Variants in MTMR12 observed in about 807,000 individuals in gnomAD.
MTMR12 encodes the protein myotubularin-related protein 12.
A neutral mutation model predicts 96.7 loss-of-function variants in MTMR12; 33 were observed. The observed-to-expected ratio is 0.34, with a 90% CI of 0.26 to 0.46. The LOEUF (loss-of-function observed/expected upper bound fraction) is 0.46. Among genes scored for constraint, MTMR12 ranks in the 20% least tolerant of loss-of-function variants. The pLI is 1.00. For missense variants in MTMR12, 721 were observed against 896.1 expected, an observed-to-expected ratio of 0.80 and a Z score of 2.49; for synonymous variants, 298 against 327.2, an observed-to-expected ratio of 0.91 and a Z score of 0.96.
chr5:32,253,131 G>A (rs989805422), intron 8 of MTMR12, among the ~76,000 whole-genome samples: 2 of 152,196 alleles, frequency 1.3e-5, no homozygotes, highest in African/African-American at 2.4e-5. Context: ...CACAACTCAC[G>A]GGATAGGGGT....
intron 1 of MTMR12, chr5:32,296,471 C>T: frequency 2.7e-6 from 1 of 371,722 alleles, no homozygotes. Flanking sequence ...AGAGCAAGAC[C>T]TTGTCTCCAA....
chr5:32,272,292 A>AAAAT lies in MTMR12; in HGVS notation c.286-391_286-388dup, dbSNP rs577379477. Among the ~76,000 whole-genome samples, 620 of 152,104 alleles carry AAAAT rather than the reference A, an allele frequency of 4.1e-3. 5 individuals carry two copies. The highest frequency in any genetic ancestry group is 0.013 in the African/African-American group (558 of 41,474). ...GGTGACAGAACGAGACTCTGTCTCA[A>AAAAT]AAATAAATAAATAAATAAATAAAAA... On this transcript the variant is annotated intron_variant, in intron 3 of 15. Transcript: ENST00000382142.
At chr5:32,242,673 C>A (rs571455703) in intron 11 of MTMR12, among the ~76,000 whole-genome samples, 4 of 151,768 alleles carry the variant, frequency 2.6e-5, no homozygotes, top group Admixed American at 6.6e-5. Context: ...TCTCCTACCC[C>A]CCAGCCACCT....
rs182698987 is a variant in MTMR12, at chr5:32,233,984, G to C, written c.1513-50C>G. 6.2e-7 allele frequency: 1 copy of C among 1,607,460 alleles called. No homozygotes were observed. The highest frequency in any genetic ancestry group is 1.3e-5 in the African/African-American group (1 of 74,846). On this transcript the variant is annotated intron_variant, in intron 14 of 15. Coordinates refer to ENST00000382142, the MANE Select transcript of MTMR12 (RefSeq NM_001040446.3). The surrounding 1 kb of genome is among the most constrained non-coding windows in gnomAD (Gnocchi z 5.0). ...CTGTTTTCCAGGGAGGGCTGAGGAA[G>C]GCAAACACATACTTCTGGACACAGG...
chr5:32,230,629 C>T (rs528740461), intron 15 of MTMR12, among the ~76,000 whole-genome samples: 1 of 152,166 alleles, frequency 6.6e-6, no homozygotes, highest in African/African-American at 2.4e-5. Flanking sequence ...CTTTTGGTGC[C>T]CTCCTCCTCT....
intron 7 of MTMR12, among the ~76,000 whole-genome samples, chr5:32,258,801 G>T (rs991604007): frequency 6.6e-6 from 1 of 151,298 alleles, no homozygotes; most frequent in East Asian, 1.9e-4. Flanking sequence ...CTGGACTGGG[G>T]CCCCATGGTT....
chr5:32,312,665 T>A lies in MTMR12; in HGVS notation c.81+93A>T. ...CGCCCGGCACAAGGGCAGGAAGCGCTCCGCGGCGCTCCCCGCTGCAAGGAA... is the reference window on the plus strand; with the variant it reads ...CGCCCGGCACAAGGGCAGGAAGCGCACCGCGGCGCTCCCCGCTGCAAGGAA... On this transcript the variant is annotated intron_variant, in intron 1 of 15. Transcript: ENST00000382142. This position sits in a 1 kb window ranked among gnomAD's most constrained non-coding sequence, Gnocchi z 5.0. The A allele has an allele frequency of 1.7e-6, 2 of 1,173,586 alleles. No individual in the cohort carries two copies. Among genetic ancestry groups the A allele is most frequent in the Non-Finnish European group, 2.2e-6 (2 of 918,856 alleles). 72.7% of individuals were successfully genotyped at this position (1,173,586 alleles called of 1,614,324 possible).
At chr5:32,311,985 C>T (rs998804653) in intron 1 of MTMR12, among the ~76,000 whole-genome samples, 3 of 152,198 alleles carry the variant, frequency 2.0e-5, no homozygotes, top group African/African-American at 7.2e-5. Context: ...TCTCCTTTCC[C>T]CCTCAAATAA....
At chr5:32,247,784 A>T (rs1327093431) in intron 10 of MTMR12, 2 of 985,246 alleles carry the variant, frequency 2.0e-6, no homozygotes, top group Admixed American at 1.2e-4. Flanking sequence ...TGGCCGTGTG[A>T]TCACTGCCAC....
chr5:32,294,369 C>G (rs915890375), intron 1 of MTMR12, among the ~76,000 whole-genome samples: 1 of 152,022 alleles, frequency 6.6e-6, no homozygotes, highest in African/African-American at 2.4e-5. Flanking sequence ...GTGGCACAAT[C>G]TTGGCTCACT....
chr5:32,268,964 G>A, intron 5 of MTMR12, among the ~76,000 whole-genome samples, 170 bp from the exon 6 acceptor site: 1 of 151,882 alleles, frequency 6.6e-6, no homozygotes, highest in South Asian at 2.1e-4. Flanking sequence ...TGGAATAATG[G>A]CAAATCAACA....
rs1349056595 is a variant in MTMR12, at chr5:32,233,909, C to G, written c.1538G>C (p.Ser513Thr). The change falls in exon 15 of 16, where the codon AGC becomes ACC. Residue 513 changes from serine (S) to threonine (T), a missense_variant. Coordinates refer to ENST00000382142, the MANE Select transcript of MTMR12 (RefSeq NM_001040446.3). This position sits in a 1 kb window ranked among gnomAD's most constrained non-coding sequence, Gnocchi z 5.0. Reference protein sequence around the residue: ...NMGREGQDTQSKPLNLLTVWD... With the variant: ...NMGREGQDTQTKPLNLLTVWD... ...CACGGTGAGCAGATTCAAAGGCTTG[C>G]TTTGTGTATCCTGGCCTTCTCTACC... 1 of 1,614,050 alleles carries G rather than the reference C, an allele frequency of 6.2e-7. No individual in the cohort carries two copies. Among genetic ancestry groups the G allele is most frequent in the East Asian group, 2.2e-5 (1 of 44,898 alleles).
intron 1 of MTMR12, among the ~76,000 whole-genome samples, chr5:32,297,192 T>C (rs1561808739): frequency 6.6e-6 from 1 of 152,010 alleles, no homozygotes; most frequent in East Asian, 1.9e-4. Context: ...GTTGAAATGG[T>C]ATTCAGTATA....
chr5:32,312,933 G>A lies in MTMR12; in HGVS notation c.-95C>T, dbSNP rs1208399797. On this transcript the variant is annotated 5_prime_UTR_variant, in exon 1 of 16. Coordinates refer to ENST00000382142, the MANE Select transcript of MTMR12 (RefSeq NM_001040446.3). This position sits in a 1 kb window ranked among gnomAD's most constrained non-coding sequence, Gnocchi z 5.0. ...CGGCGGCCACCAGCACTAGCGGCTG[G>A]GGCTCCGCCCATCCCCAAGGCCGCG... The A allele has an allele frequency of 1.2e-5, 14 of 1,194,160 alleles. No homozygotes were observed. Among genetic ancestry groups the A allele is most frequent in the Non-Finnish European group, 1.5e-5 (14 of 908,732 alleles). 74.0% of individuals were successfully genotyped at this position (1,194,160 alleles called of 1,614,324 possible). A position where few individuals can be genotyped will look rare whatever the true frequency, so the allele number is the denominator to read the frequency against.
At chr5:32,290,607 G>C (rs926684294) in intron 1 of MTMR12, among the ~76,000 whole-genome samples, 10 of 152,134 alleles carry the variant, frequency 6.6e-5, no homozygotes, top group African/African-American at 2.2e-4. Context: ...CATTTATTGA[G>C]TGACCCATTT....
At chr5:32,258,042 G>A (rs997324840) in intron 7 of MTMR12, among the ~76,000 whole-genome samples, 3 of 151,984 alleles carry the variant, frequency 2.0e-5, no homozygotes, top group South Asian at 2.1e-4. Context: ...TGGAAGAATC[G>A]CTTGAGCCCA....
At chr5:32,284,596 A>G (rs763477362) in intron 1 of MTMR12, among the ~76,000 whole-genome samples, 1 of 152,012 alleles carries the variant, frequency 6.6e-6, no homozygotes, top group Non-Finnish European at 1.5e-5. Context: ...AGCTTCTTAA[A>G]CCATAAACTA....
At chr5:32,248,750 A>G in intron 9 of MTMR12, 22 bp downstream of exon 9, 2 of 1,585,964 alleles carry the variant, frequency 1.3e-6, no homozygotes, top group Non-Finnish European at 1.7e-6. Flanking sequence ...GAACAAGAAC[A>G]AAATGTAGAA....
intron 13 of MTMR12, among the ~76,000 whole-genome samples, chr5:32,238,309 A>G (rs1225093070): frequency 6.6e-6 from 1 of 152,126 alleles, no homozygotes; most frequent in Non-Finnish European, 1.5e-5. Flanking sequence ...GGCTCAAGCA[A>G]TCCTCTCACC....
Sources: gnomAD v4.1 joint callset for allele counts (sites outside exome capture counted in the v4.1 genomes callset) on GRCh38, gnomAD v4.1.1 for gene constraint, Gnocchi (gnomAD v3.1) non-coding constraint, MANE v1.5 for transcripts, NCBI Gene and HGNC (gene_info 2026-07-23, HGNC 2026-07-21) for gene names.